Variants in TGFBRAP1 observed in about 807,000 individuals in gnomAD.
TGFBRAP1 encodes the protein transforming growth factor beta receptor associated protein 1, also known as transforming growth factor-beta receptor-associated protein 1.
In TGFBRAP1, 20 loss-of-function variants were observed where a neutral mutation model predicts 83.2. The observed-to-expected ratio is 0.24, with a 90% confidence interval of 0.17 to 0.35. The LOEUF (loss-of-function observed/expected upper bound fraction) is 0.35. TGFBRAP1 is among the 10% of genes least tolerant of loss of function. The pLI is 1.00. For missense variants in TGFBRAP1, 950 were observed against 1,099.4 expected (o/e 0.86, Z 1.92); for synonymous variants, 415 against 459.8 (o/e 0.90, Z 1.25).
At chr2:105,325,409 A>C (rs1239048466) in intron 1 of TGFBRAP1, among the ~76,000 whole-genome samples, 1 of 152,170 alleles carries the variant, frequency 6.6e-6, no homozygotes, top group Non-Finnish European at 1.5e-5. Flanking sequence ...TGGCTTGCTC[A>C]AGGTTACCTG....
chr2:105,305,417 C>T (rs1428495218), intron 2 of TGFBRAP1, among the ~76,000 whole-genome samples: 1 of 152,112 alleles, frequency 6.6e-6, no homozygotes, highest in Non-Finnish European at 1.5e-5. Flanking sequence ...TATGAGCCAC[C>T]CCTGGCTGGA....
the TGFBRAP1 span, chr2:105,249,461 AGATGGTT>A: frequency 6.6e-6 from 1 of 152,216 alleles, no homozygotes; most frequent in Non-Finnish European, 1.5e-5. Flanking sequence ...CATCAGCCAA[AGATGGTT>A]GCCTCTTTCT....
chr2:105,314,964 AAAG>A (rs1678809041), intron 1 of TGFBRAP1, among the ~76,000 whole-genome samples: 1 of 151,690 alleles, frequency 6.6e-6, no homozygotes, highest in Non-Finnish European at 1.5e-5. Flanking sequence ...AAAAAAAAAA[AAAG>A]AAAGAATTGA....
intron 6 of TGFBRAP1, among the ~76,000 whole-genome samples, chr2:105,279,411 C>A (rs1267220642): frequency 6.6e-6 from 1 of 152,098 alleles, no homozygotes; most frequent in Non-Finnish European, 1.5e-5. Context: ...GCGTGAACCA[C>A]CACACCCAGC....
chr2:105,294,591 G>A (rs1183405130), intron 4 of TGFBRAP1, among the ~76,000 whole-genome samples: 4 of 152,154 alleles, frequency 2.6e-5, no homozygotes, highest in Admixed American at 1.3e-4. Context: ...GGGTGAACTC[G>A]AGATAATTCT....
downstream of TGFBRAP1, among the ~76,000 whole-genome samples, chr2:105,261,667 G>T (rs755262401): frequency 4.6e-5 from 7 of 152,072 alleles, no homozygotes; most frequent in Non-Finnish European, 1.0e-4. Flanking sequence ...CAGGAGAATC[G>T]CTTGAACCCG....
intron 1 of TGFBRAP1, among the ~76,000 whole-genome samples, chr2:105,316,185 G>A (rs947659647): frequency 2.0e-5 from 3 of 152,160 alleles, no homozygotes; most frequent in African/African-American, 4.8e-5. Flanking sequence ...AACTAGATGC[G>A]TAAGTGGAAA....
intron 1 of TGFBRAP1, among the ~76,000 whole-genome samples, chr2:105,319,137 T>C (rs1168535254): frequency 6.6e-6 from 1 of 152,036 alleles, no homozygotes; most frequent in African/African-American, 2.4e-5. Flanking sequence ...CTTGGCTCAC[T>C]GCAACATCTG....
downstream of TGFBRAP1, among the ~76,000 whole-genome samples, chr2:105,263,279 T>C (rs772849482): frequency 2.0e-5 from 3 of 152,202 alleles, no homozygotes; most frequent in African/African-American, 7.2e-5. Context: ...GAGAAAAGAA[T>C]ATTGCACCTG....
At chr2:105,319,613 A>G (rs1678994318) in intron 1 of TGFBRAP1, among the ~76,000 whole-genome samples, 1 of 148,196 alleles carries the variant, frequency 6.7e-6, no homozygotes, top group South Asian at 2.1e-4. Flanking sequence ...AATCACTTGA[A>G]CCCAGGAGGC....
At chr2:105,277,589 C>G (rs1423680519) in intron 7 of TGFBRAP1, 25 bp downstream of exon 7, 2 of 1,612,780 alleles carry the variant, frequency 1.2e-6, no homozygotes, top group African/African-American at 2.7e-5. Context: ...ATTTTTAAAT[C>G]ATGTGGAAAC....
intron 5 of TGFBRAP1, 104 bp from the exon 6 acceptor site, chr2:105,280,827 G>A: frequency 5.5e-6 from 7 of 1,266,210 alleles, no homozygotes; most frequent in Non-Finnish European, 7.6e-6. Flanking sequence ...ACGTTCACAG[G>A]GGGCTGGGGA....
rs369341763 is a variant in TGFBRAP1 at position 105,301,593 on chromosome 2, G to GA, written c.689-2889dup. Among the ~76,000 whole-genome samples, 27 of 151,188 alleles carry GA rather than the reference G, an allele frequency of 1.8e-4. 1 individual carries two copies. Among genetic ancestry groups the GA allele is most frequent in the Middle Eastern group, 3.4e-3 (1 of 294 alleles). The stretch of plus-strand genomic sequence containing the variant: ...CAGAGCTAGACTCTCTCAAAAAAAA[G>GA]AAAAAAAACCACACAGGTACTAGAA... On this transcript the variant is annotated intron_variant, in intron 2 of 11. Transcript: ENST00000393359.
chr2:105,273,421 T>A, intron 9 of TGFBRAP1, 123 bp downstream of exon 9: 4 of 1,362,234 alleles, frequency 2.9e-6, no homozygotes, highest in South Asian at 1.5e-5. Context: ...CATCAGACCA[T>A]CAACAAGTAC....
chr2:105,317,077 G>A (rs1334594369), intron 1 of TGFBRAP1, among the ~76,000 whole-genome samples: 2 of 152,154 alleles, frequency 1.3e-5, no homozygotes, highest in Non-Finnish European at 2.9e-5. Context: ...ACAGTAAACA[G>A]TACTTGTATG....
the TGFBRAP1 span, among the ~76,000 whole-genome samples, chr2:105,253,609 G>GT: frequency 1.3e-5 from 2 of 151,894 alleles, no homozygotes; most frequent in Admixed American, 1.3e-4. Context: ...ATTTTAAAAC[G>GT]TTTTTTGTAG....
intron 4 of TGFBRAP1, among the ~76,000 whole-genome samples, chr2:105,287,924 C>G (rs1445114744): frequency 6.6e-6 from 1 of 152,010 alleles, no homozygotes; most frequent in East Asian, 1.9e-4. Context: ...CACACGATGG[C>G]AGCACCGACA....
At chr2:105,254,190 C>A in the TGFBRAP1 span, among the ~76,000 whole-genome samples, 1 of 152,166 alleles carries the variant, frequency 6.6e-6, no homozygotes, top group Middle Eastern at 3.4e-3. Flanking sequence ...GTTTCTGGTG[C>A]CATAATAAAA....
chr2:105,317,836 C>A (rs754027093), intron 1 of TGFBRAP1, among the ~76,000 whole-genome samples: 15 of 152,140 alleles, frequency 9.9e-5, no homozygotes, highest in African/African-American at 1.7e-4. Flanking sequence ...CACAAACAGA[C>A]CTTTCAATGG....
Sources: allele counts gnomAD v4.1 joint callset (sites outside exome capture counted in the v4.1 genomes callset), GRCh38; gene constraint gnomAD v4.1.1; transcripts MANE v1.5; gene names NCBI Gene and HGNC (gene_info 2026-07-23, HGNC 2026-07-21).